DNAH11: variants seen among roughly 807,000 people sequenced by gnomAD.
DNAH11 encodes the protein dynein axonemal heavy chain 11.
DNAH11 carries 442 observed loss-of-function variants against 526.0 expected under a neutral mutation model. The observed-to-expected ratio is 0.84, with a 90% CI of 0.78 to 0.91. DNAH11 has a LOEUF of 0.91. DNAH11 is among the 40% of genes least tolerant of loss of function. DNAH11 has a pLI of 0.00. For missense variants in DNAH11, 6,989 were observed against 5,448.7 expected (o/e 1.28, Z -8.90); for synonymous variants, 2,461 against 1,935.9 (o/e 1.27, Z -7.12).
At chr7:21,548,863 G>A (rs1284298465) in intron 2 of DNAH11, among the ~76,000 whole-genome samples, 1 of 151,954 alleles carries the variant, frequency 6.6e-6, no homozygotes, top group African/African-American at 2.4e-5. Flanking sequence ...CCTCCGCAAT[G>A]TGGGAAAGAG....
intron 35 of DNAH11, among the ~76,000 whole-genome samples, chr7:21,692,151 TTA>T (rs1393293782): frequency 1.3e-5 from 2 of 152,240 alleles, no homozygotes; most frequent in East Asian, 3.8e-4. Context: ...GAAATATGGT[TTA>T]TGTTTTATTA....
chr7:21,690,022 C>T (rs1367732373), intron 34 of DNAH11, among the ~76,000 whole-genome samples: 1 of 152,192 alleles, frequency 6.6e-6, no homozygotes, highest in Non-Finnish European at 1.5e-5. Context: ...TTCTCCAGTG[C>T]CTTTAAGTGA....
intron 2 of DNAH11, among the ~76,000 whole-genome samples, chr7:21,557,658 A>G (rs1027002940): frequency 3.9e-5 from 6 of 152,320 alleles, no homozygotes; most frequent in Middle Eastern, 6.8e-3. Context: ...TTCAGAGGAC[A>G]CATATTCACA....
chr7:21,646,461 C>T (rs1023151259), intron 28 of DNAH11, among the ~76,000 whole-genome samples: 10 of 152,126 alleles, frequency 6.6e-5, no homozygotes, highest in Non-Finnish European at 1.5e-4. Context: ...CAGGCCATAG[C>T]ACATGAAGGG....
chr7:21,772,332 GT>G (rs148357059), intron 55 of DNAH11, among the ~76,000 whole-genome samples: 111 of 140,254 alleles, frequency 7.9e-4, no homozygotes, highest in Admixed American at 1.5e-3. Flanking sequence ...AGGCCAGAGT[GT>G]TTTTTTTTTT....
chr7:21,710,819 A>G, intron 41 of DNAH11, 116 bp downstream of exon 41: 1 of 1,035,398 alleles, frequency 9.7e-7, no homozygotes, highest in Non-Finnish European at 1.3e-6. Flanking sequence ...TTCTTTATGT[A>G]ATTATTATTT....
At chr7:21,691,969 C>G (rs780200043) in intron 35 of DNAH11, among the ~76,000 whole-genome samples, 2 of 152,184 alleles carry the variant, frequency 1.3e-5, no homozygotes, top group Non-Finnish European at 1.5e-5. Flanking sequence ...TGATGACCTG[C>G]TTTTCAAAAG....
At chr7:21,611,866 ACT>A (rs1474712176) in intron 20 of DNAH11, among the ~76,000 whole-genome samples, 1 of 152,118 alleles carries the variant, frequency 6.6e-6, no homozygotes, top group East Asian at 1.9e-4. Context: ...TACTAACATA[ACT>A]CTAGTTATTT....
At chr7:21,768,200 G>T (rs1377330768) in intron 55 of DNAH11, among the ~76,000 whole-genome samples, 1 of 152,186 alleles carries the variant, frequency 6.6e-6, no homozygotes, top group Non-Finnish European at 1.5e-5. Flanking sequence ...ATGGGAGGAG[G>T]TGTGTAAGGA....
rs1446260431 is a variant in DNAH11, at chr7:21,620,670, C to A, written c.4500+592C>A. 4.7e-5 allele frequency among the ~76,000 whole-genome samples: 7 copies of A among 150,058 alleles called. 1 individual carries two copies. The South Asian group carries it at 8.5e-4, about 18-fold the overall frequency. ...TGCTGGTGTGCTGCACCCATTAACT[C>A]GTCATTTAGCATTAGGTATATCTCC... is the stretch of plus-strand genomic sequence containing the variant. On this transcript the variant is annotated intron_variant, in intron 25 of 81. Coordinates refer to ENST00000409508, the MANE Select transcript of DNAH11 (RefSeq NM_001277115.2).
intron 61 of DNAH11, among the ~76,000 whole-genome samples, chr7:21,791,882 A>G (rs1310706853): frequency 1.3e-5 from 2 of 152,226 alleles, no homozygotes; most frequent in Non-Finnish European, 2.9e-5. Flanking sequence ...ACATTGCTAT[A>G]AAGAAATACC....
chr7:21,773,340 G>C (rs1583679856), intron 55 of DNAH11, among the ~76,000 whole-genome samples: 1 of 139,484 alleles, frequency 7.2e-6, no homozygotes, highest in Admixed American at 7.0e-5. Context: ...CTAAGTTTTG[G>C]CTTTTTTTTT....
intron 61 of DNAH11, among the ~76,000 whole-genome samples, chr7:21,800,045 A>G (rs1008551964): frequency 6.6e-6 from 1 of 152,240 alleles, no homozygotes; most frequent in African/African-American, 2.4e-5. Context: ...AAAAAGGCAC[A>G]AAGACAAACT....
chr7:21,801,263 G>C lies in DNAH11; in HGVS notation c.10153G>C (p.Glu3385Gln), dbSNP rs1208384558. The change falls in exon 62 of 82, where the codon GAA becomes CAA. Residue 3385 changes from glutamate (E) to glutamine (Q), a missense_variant. By Grantham distance (29) the Glu-to-Gln change is conservative. Transcript: ENST00000409508. Reference sequence around the variant, plus strand: ...CAAATTAGCTAACAGACTTGTCAAGGAACTTGAGGCAAGTTAAACCTTTTC... The same window carrying C: ...CAAATTAGCTAACAGACTTGTCAAGCAACTTGAGGCAAGTTAAACCTTTTC... The part of the protein sequence containing the change: ...TIKLANRLVK[E>Q]LEAKKIRWGQ... 1 of 1,613,852 alleles carries C rather than the reference G, an allele frequency of 6.2e-7. No homozygotes were observed. The highest frequency in any genetic ancestry group is 1.7e-5 in the Admixed American group (1 of 60,006).
intron 63 of DNAH11, among the ~76,000 whole-genome samples, chr7:21,810,490 G>C (rs1398561777): frequency 1.3e-5 from 2 of 152,184 alleles, no homozygotes. Flanking sequence ...GGAAAATGCA[G>C]TGCAAGCTGG....
intron 2 of DNAH11, among the ~76,000 whole-genome samples, chr7:21,553,429 C>T (rs925872470): frequency 1.3e-5 from 2 of 152,156 alleles, no homozygotes; most frequent in African/African-American, 4.8e-5. Context: ...TTAGAGAGTT[C>T]TGTACCCCTT....
At chr7:21,582,958 A>T (rs1418530438) in intron 9 of DNAH11, among the ~76,000 whole-genome samples, 1 of 152,062 alleles carries the variant, frequency 6.6e-6, no homozygotes. Flanking sequence ...AACATAAAGA[A>T]TTCACGAGGA....
chr7:21,808,935 A>AT (rs1368000497), intron 63 of DNAH11, among the ~76,000 whole-genome samples: 1 of 151,806 alleles, frequency 6.6e-6, no homozygotes, highest in South Asian at 2.1e-4. Flanking sequence ...GTAGTTATTT[A>AT]TTTTTTTTGA....
rs540459682 is a variant in DNAH11 at position 21,591,336 on chromosome 7, G to T, written c.2426G>T (p.Cys809Phe). ...ACGTGGCTGACATGGCAGGATGACT[G>T]CTGGGGCTACATCGAGAGGGTGAGG... ...ATTWLTWQDD[C>F]WGYIERVRAA... The change falls in exon 14 of 82, where the codon TGC (cysteine) becomes TTC (phenylalanine). Residue 809 changes from cysteine (C) to phenylalanine (F), a missense_variant. Physicochemically the swap from Cys to Phe is radical, Grantham distance 205 (BLOSUM62 -2). Coordinates refer to ENST00000409508, the MANE Select transcript of DNAH11 (RefSeq NM_001277115.2). The T allele has an allele frequency of 6.2e-7, 1 of 1,613,682 alleles. No homozygotes were observed. Among genetic ancestry groups the T allele is most frequent in the Non-Finnish European group, 8.5e-7 (1 of 1,179,724 alleles).
Sources: gnomAD v4.1 joint callset for allele counts (sites outside exome capture counted in the v4.1 genomes callset) on GRCh38, gnomAD v4.1.1 for gene constraint, MANE v1.5 for transcripts, NCBI Gene and HGNC (gene_info 2026-07-23, HGNC 2026-07-21) for gene names.